Variants in ASPH observed in about 807,000 individuals in gnomAD.
ASPH encodes aspartate beta-hydroxylase.
ASPH carries 100 observed loss-of-function variants against 118.4 expected under a neutral mutation model. The ratio of observed to expected loss-of-function variants is 0.84; its 90% CI spans 0.72 to 1.00. The LOEUF is 1.00. Ranked by LOEUF, ASPH falls within the 50% of genes least tolerant of loss-of-function variation. The pLI, the probability that ASPH is intolerant of heterozygous loss-of-function variation, is 0.00. For missense variants in ASPH, 920 were observed against 919.5 expected (o/e 1.00, Z -0.01); for synonymous variants, 315 against 325.6 (o/e 0.97, Z 0.35).
intron 3 of ASPH, among the ~76,000 whole-genome samples, chr8:61,666,601 A>G (rs755819261): frequency 1.6e-4 from 24 of 152,206 alleles, no homozygotes; most frequent in Non-Finnish European, 2.9e-4. Context: ...TGAGCATTAG[A>G]TTTGCAGTGC....
At chr8:61,638,427 T>A in intron 10 of ASPH, 64 bp from the exon 11 acceptor site, 1 of 1,382,528 alleles carries the variant, frequency 7.2e-7, no homozygotes, top group Non-Finnish European at 1.0e-6. Flanking sequence ...ACTGACAACA[T>A]GCTTTAAGGG....
chr8:61,513,779 C>A (rs563703400), intron 24 of ASPH, among the ~76,000 whole-genome samples: 2 of 152,126 alleles, frequency 1.3e-5, no homozygotes, highest in Admixed American at 6.5e-5. Flanking sequence ...CATTCAAGAC[C>A]CCCCTCTGAG....
intron 13 of ASPH, chr8:61,624,963 T>C: frequency 2.0e-6 from 2 of 985,242 alleles, no homozygotes; most frequent in Non-Finnish European, 2.4e-6. Flanking sequence ...CAGGACTCAC[T>C]ACATTGTATA....
At chr8:61,538,110 A>G (rs1447061662) in intron 21 of ASPH, among the ~76,000 whole-genome samples, 1 of 152,208 alleles carries the variant, frequency 6.6e-6, no homozygotes, top group African/African-American at 2.4e-5. Context: ...AGCTGAGGTA[A>G]TTATTTTGAA....
chr8:61,516,138 T>C (rs1750478720), intron 24 of ASPH, among the ~76,000 whole-genome samples: 1 of 152,248 alleles, frequency 6.6e-6, no homozygotes, highest in East Asian at 1.9e-4. Flanking sequence ...ATTTTTGGCC[T>C]CTGTGCCTTT....
chr8:61,685,452 A>G (rs1554578017), intron 1 of ASPH, among the ~76,000 whole-genome samples: 1 of 152,146 alleles, frequency 6.6e-6, no homozygotes, highest in Non-Finnish European at 1.5e-5. Context: ...TCATCTCTAC[A>G]GCTCTGAGTT....
Position 61,703,961 on chromosome 8 carries a change from C to T in ASPH, c.103+10308G>A, listed in dbSNP as rs569958793. On this transcript the variant is annotated intron_variant, in intron 1 of 24. Transcript: ENST00000379454. ...AAAAAACAGAGGGACTTTGGGAGGC[C>T]GAGGCGGGCGGATCACGAGGTCAGG... Among the ~76,000 whole-genome samples the T allele has an allele frequency of 3.4e-4, 51 of 151,820 alleles. 1 individual carries two copies. The highest frequency in any genetic ancestry group is 4.4e-4 in the Non-Finnish European group (30 of 67,918).
chr8:61,657,317 A>G (rs1814261136), intron 3 of ASPH: 1 of 152,310 alleles, frequency 6.6e-6, no homozygotes, highest in East Asian at 1.9e-4. Flanking sequence ...AATGTGTGGA[A>G]ATACATGTTG....
intron 24 of ASPH, among the ~76,000 whole-genome samples, chr8:61,505,221 T>A (rs923555503): frequency 6.6e-6 from 1 of 152,168 alleles, no homozygotes; most frequent in African/African-American, 2.4e-5. Context: ...TTCAGCTGGA[T>A]GCGGTGGCTC....
At chr8:61,666,980 C>G (rs1432153241) in intron 3 of ASPH, among the ~76,000 whole-genome samples, 2 of 152,092 alleles carry the variant, frequency 1.3e-5, no homozygotes, top group Non-Finnish European at 2.9e-5. Flanking sequence ...CCATTTGTTT[C>G]ATCATTATTT....
intron 14 of ASPH, among the ~76,000 whole-genome samples, chr8:61,597,815 T>C (rs1842883101): frequency 6.6e-6 from 1 of 152,128 alleles, no homozygotes; most frequent in Admixed American, 6.5e-5. Context: ...AGGAATAAAG[T>C]CTTTCTTAAG....
At position 61,633,494 on chromosome 8, in the gene ASPH, C is replaced by T. The variant is rs761176412; in HGVS notation, c.934+189G>A. 5 of 478,506 alleles carry T rather than the reference C, an allele frequency of 1.0e-5. 1 individual carries two copies. The highest frequency in any genetic ancestry group is 1.9e-5 in the Non-Finnish European group (5 of 266,868). 29.6% of individuals were successfully genotyped at this position (478,506 alleles called of 1,614,324 possible). A position where few individuals can be genotyped will look rare whatever the true frequency, so the allele number is the denominator to read the frequency against. ...ATTCTAGCTCAGCAGATATGTACTG[C>T]ACTGAATCTGATGTGCATTTTCCAT... is the stretch of plus-strand genomic sequence containing the variant. On this transcript the variant is annotated intron_variant, in intron 13 of 24. Coordinates refer to ENST00000379454, the MANE Select transcript of ASPH (RefSeq NM_004318.4).
intron 20 of ASPH, among the ~76,000 whole-genome samples, chr8:61,548,851 A>T (rs1387784944): frequency 6.6e-6 from 1 of 152,158 alleles, no homozygotes; most frequent in African/African-American, 2.4e-5. Context: ...ATAAGGGATA[A>T]CATGTGTGGC....
At chr8:61,574,663 A>G (rs4738908) in intron 16 of ASPH, among the ~76,000 whole-genome samples, 82,828 of 152,030 alleles carry the variant, frequency 0.54, 26,070 homozygotes, top group Non-Finnish European at 0.7. Flanking sequence ...ACACATGGAC[A>G]CAGGGAGGGC....
At chr8:61,538,404 CTT>C (rs1290823165) in intron 21 of ASPH, among the ~76,000 whole-genome samples, 1 of 152,160 alleles carries the variant, frequency 6.6e-6, no homozygotes, top group East Asian at 1.9e-4. Flanking sequence ...TTCAGTACTT[CTT>C]GATACTATAT....
At chr8:61,654,655 G>T (rs9283975) in intron 3 of ASPH, among the ~76,000 whole-genome samples, 1 of 152,068 alleles carries the variant, frequency 6.6e-6, no homozygotes, top group Non-Finnish European at 1.5e-5. Flanking sequence ...TTTCTTTTAT[G>T]GACAAAAACA....
At chr8:61,548,282 C>A in intron 20 of ASPH, 74 bp from the exon 21 acceptor site, 2 of 1,456,900 alleles carry the variant, frequency 1.4e-6, no homozygotes, top group Non-Finnish European at 9.2e-7. Flanking sequence ...AAATTGAAAA[C>A]ATTAAAAATA....
intron 10 of ASPH, among the ~76,000 whole-genome samples, chr8:61,639,792 T>C (rs75713791): frequency 0.046 from 6,933 of 152,210 alleles, 210 homozygotes; most frequent in Middle Eastern, 0.068. Context: ...ACTATCATCA[T>C]GTAAAGAACT....
At chr8:61,681,100 T>C (rs777150627) in intron 2 of ASPH, 64 bp from the exon 3 acceptor site, 161 of 1,345,400 alleles carry the variant, frequency 1.2e-4, no homozygotes, top group Non-Finnish European at 1.6e-4. Flanking sequence ...TAAGGTATTA[T>C]AACTTAGTGA....
Sources: gnomAD v4.1 joint callset for allele counts (sites outside exome capture counted in the v4.1 genomes callset) on GRCh38, gnomAD v4.1.1 for gene constraint, MANE v1.5 for transcripts, NCBI Gene and HGNC (gene_info 2026-07-23, HGNC 2026-07-21) for gene names.